Variants in PLCB1 observed in about 807,000 individuals in gnomAD.
PLCB1 encodes 1-phosphatidylinositol 4,5-bisphosphate phosphodiesterase beta-1.
A neutral mutation model predicts 161.8 loss-of-function variants in PLCB1; 46 were observed. That is an observed-to-expected ratio of 0.28 (90% confidence interval 0.22 to 0.36). The LOEUF (loss-of-function observed/expected upper bound fraction) is 0.36. PLCB1 is among the 10% of genes least tolerant of loss of function. The pLI, the probability that PLCB1 is intolerant of heterozygous loss-of-function variation, is 1.00. For synonymous variants in PLCB1, 517 were observed against 503.7 expected (o/e 1.03, Z -0.35); for missense variants, 1,016 against 1,472.5 (o/e 0.69, Z 5.07).
chr20:8,303,347 G>C (rs1215327639), intron 2 of PLCB1, among the ~76,000 whole-genome samples: 2 of 152,178 alleles, frequency 1.3e-5, no homozygotes, highest in Non-Finnish European at 2.9e-5. Flanking sequence ...ACTACCAGAA[G>C]AGATACTTAC....
At chr20:8,496,329 CAAAAAAA>C (rs71331309) in intron 3 of PLCB1, among the ~76,000 whole-genome samples, 3 of 91,998 alleles carry the variant, frequency 3.3e-5, no homozygotes, top group Non-Finnish European at 4.8e-5. Context: ...CCCATCTCTG[CAAAAAAA>C]AAAAAAAAAA....
intron 2 of PLCB1, among the ~76,000 whole-genome samples, chr20:8,230,912 A>G (rs6055680): frequency 3.9e-5 from 6 of 151,968 alleles, no homozygotes; most frequent in Admixed American, 3.3e-4. Context: ...ACCATGGTGC[A>G]CCAGGTTGGC....
intron 31 of PLCB1, among the ~76,000 whole-genome samples, chr20:8,844,653 A>G (rs928698499): frequency 2.3e-4 from 35 of 152,314 alleles, no homozygotes; most frequent in African/African-American, 8.4e-4. Flanking sequence ...GTAAGTCACT[A>G]ACAACCTTTT....
At chr20:8,164,237 T>C (rs2051654313) in intron 2 of PLCB1, among the ~76,000 whole-genome samples, 1 of 152,076 alleles carries the variant, frequency 6.6e-6, no homozygotes, top group African/African-American at 2.4e-5. Flanking sequence ...ATAAGAATGG[T>C]GGACTCCAGG....
chr20:8,832,070 A>C (rs1224377721), intron 31 of PLCB1, among the ~76,000 whole-genome samples: 2 of 140,066 alleles, frequency 1.4e-5, no homozygotes, highest in East Asian at 4.0e-4. Flanking sequence ...AGGGTAGTGA[A>C]AGTTTAATTT....
chr20:8,381,015 T>C (rs1022363282), intron 3 of PLCB1, among the ~76,000 whole-genome samples: 7 of 152,202 alleles, frequency 4.6e-5, no homozygotes, highest in Non-Finnish European at 8.8e-5. Flanking sequence ...ATCCTTGTCT[T>C]GTATTGGTTT....
At chr20:8,260,485 C>G (rs988648381) in intron 2 of PLCB1, among the ~76,000 whole-genome samples, 9 of 151,990 alleles carry the variant, frequency 5.9e-5, no homozygotes, top group East Asian at 1.9e-4. Context: ...TAGGGAGAGT[C>G]AGGAATGTTG....
chr20:8,188,253 T>G (rs1043397898), intron 2 of PLCB1, among the ~76,000 whole-genome samples: 2 of 152,246 alleles, frequency 1.3e-5, no homozygotes, highest in Admixed American at 6.5e-5. Context: ...TTGAAATCTT[T>G]CCTTGTGTAC....
chr20:8,807,067 A>G (rs1033818562), intron 31 of PLCB1, among the ~76,000 whole-genome samples: 9 of 152,178 alleles, frequency 5.9e-5, no homozygotes, highest in African/African-American at 1.2e-4. Flanking sequence ...TTAAATGCGG[A>G]GACAAAGAAG....
rs1040644506 is a variant in PLCB1 at position 8,514,903 on chromosome 20, T to A, written c.247-113391T>A. On this transcript the variant is annotated intron_variant, in intron 3 of 31. Coordinates refer to ENST00000338037, the MANE Select transcript of PLCB1 (RefSeq NM_015192.4). Reference sequence around the variant, plus strand: ...AGGATTTTGTTAAAACTAATATTCATCTCCAGGAGTTCAGGGGTTAGGCTA... The same window carrying A: ...AGGATTTTGTTAAAACTAATATTCAACTCCAGGAGTTCAGGGGTTAGGCTA... Among the ~76,000 whole-genome samples the A allele has an allele frequency of 1.1e-4, 17 of 152,158 alleles. 1 individual carries two copies. Among genetic ancestry groups the A allele is most frequent in the Non-Finnish European group, 2.5e-4 (17 of 68,016 alleles).
At chr20:8,688,925 T>C (rs569461819) in intron 10 of PLCB1, among the ~76,000 whole-genome samples, 2 of 152,348 alleles carry the variant, frequency 1.3e-5, no homozygotes, top group Non-Finnish European at 2.9e-5. Context: ...AATTTGTAGA[T>C]TGCTTTTGGC....
rs869173548 is a variant in PLCB1, at chr20:8,495,388, C to CTTTTTTTTTTTT, written c.246+123954_246+123965dup. Among the ~76,000 whole-genome samples, 45 of 94,364 alleles carry CTTTTTTTTTTTT rather than the reference C, an allele frequency of 4.8e-4. 5 individuals carry two copies. Among genetic ancestry groups the CTTTTTTTTTTTT allele is most frequent in the African/African-American group, 2.0e-3 (44 of 22,226 alleles). The allele number at this position is 94,364 out of a possible 152,430, so 61.9% of individuals were successfully genotyped here. ...TGTGGACTTTGCCTTACCTTCCTTT[C>CTTTTTTTTTTTT]TTTTTTTTTTTTTTTTTTTTTTTTT... is the stretch of plus-strand genomic sequence containing the variant. On this transcript the variant is annotated intron_variant, in intron 3 of 31. Coordinates refer to ENST00000338037, the MANE Select transcript of PLCB1 (RefSeq NM_015192.4).
At chr20:8,177,937 C>T (rs116731084) in intron 2 of PLCB1, among the ~76,000 whole-genome samples, 2,022 of 151,670 alleles carry the variant, frequency 0.013, 53 homozygotes, top group African/African-American at 0.046. Flanking sequence ...TACATGAGAA[C>T]ATTCGTGATG....
rs146812800 is a variant in PLCB1, at chr20:8,777,966, A to G, written c.3111+3247A>G. On this transcript the variant is annotated intron_variant, in intron 27 of 31. Coordinates refer to ENST00000338037, the MANE Select transcript of PLCB1 (RefSeq NM_015192.4). ...ACTGTCAGATCTCCTGAGACTCACT[A>G]TCATGAGAACAGCATGGGAAAGACT... 3.4e-4 allele frequency among the ~76,000 whole-genome samples: 52 copies of G among 152,224 alleles called. No individual in the cohort carries two copies. The East Asian group carries it at 9.3e-3, about 27-fold the overall frequency.
intron 2 of PLCB1, among the ~76,000 whole-genome samples, chr20:8,160,316 T>C (rs570800488): frequency 1.3e-5 from 2 of 152,342 alleles, no homozygotes; most frequent in South Asian, 4.1e-4. Flanking sequence ...CTCTGCTTTT[T>C]ACCCAGTTCC....
chr20:8,614,198 A>G (rs1408126446), intron 3 of PLCB1, among the ~76,000 whole-genome samples: 2 of 152,134 alleles, frequency 1.3e-5, no homozygotes, highest in Non-Finnish European at 2.9e-5. Flanking sequence ...TCAAAGATAA[A>G]AAAAAATTGT....
chr20:8,223,122 A>G (rs958865599), intron 2 of PLCB1, among the ~76,000 whole-genome samples: 24 of 152,160 alleles, frequency 1.6e-4, no homozygotes, highest in African/African-American at 5.6e-4. Context: ...CACAGCATCA[A>G]TAAGCTTTCC....
chr20:8,387,780 G>C (rs1987469931), intron 3 of PLCB1, among the ~76,000 whole-genome samples: 1 of 152,072 alleles, frequency 6.6e-6, no homozygotes, highest in South Asian at 2.1e-4. Flanking sequence ...AAAGTTGCAT[G>C]GTGGTTGCTG....
At chr20:8,826,502 A>AT (rs1985712655) in intron 31 of PLCB1, among the ~76,000 whole-genome samples, 1 of 151,558 alleles carries the variant, frequency 6.6e-6, no homozygotes, top group African/African-American at 2.4e-5. Context: ...TCTCAAAAAA[A>AT]AAAAAAAAGA....
Sources: gnomAD v4.1 joint callset for allele counts (sites outside exome capture counted in the v4.1 genomes callset) on GRCh38, gnomAD v4.1.1 for gene constraint, MANE v1.5 for transcripts, NCBI Gene and HGNC (gene_info 2026-07-23, HGNC 2026-07-21) for gene names.